Variants in DPYD observed in about 807,000 individuals in gnomAD.
DPYD encodes the protein dihydropyrimidine dehydrogenase [NADP(+)].
DPYD carries 109 observed loss-of-function variants against 116.2 expected under a neutral mutation model. The observed-to-expected ratio is 0.94, with a 90% CI of 0.80 to 1.10. The LOEUF (loss-of-function observed/expected upper bound fraction) is 1.10. Among genes scored for constraint, DPYD ranks in the 50% least tolerant of loss-of-function variants. The pLI, the probability that DPYD is intolerant of heterozygous loss-of-function variation, is 0.00. For synonymous variants in DPYD, 440 were observed against 432.0 expected, an observed-to-expected ratio of 1.02 and a Z score of -0.23; for missense variants, 1,302 against 1,254.5, an observed-to-expected ratio of 1.04 and a Z score of -0.57.
At chr1:97,692,375 C>T (rs1571199788) in intron 6 of DPYD, among the ~76,000 whole-genome samples, 1 of 124,474 alleles carries the variant, frequency 8.0e-6, no homozygotes, top group African/African-American at 2.9e-5. Flanking sequence ...TCCAAAAGTT[C>T]AGTCATTAAA....
intron 18 of DPYD, among the ~76,000 whole-genome samples, chr1:97,291,444 C>T (rs1372383525): frequency 1.3e-5 from 2 of 151,568 alleles, no homozygotes; most frequent in Non-Finnish European, 3.0e-5. Flanking sequence ...ACCCAAATGT[C>T]CAACAATGAT....
At chr1:97,810,619 C>T (rs1052126194) in intron 3 of DPYD, among the ~76,000 whole-genome samples, 3 of 152,076 alleles carry the variant, frequency 2.0e-5, no homozygotes, top group Non-Finnish European at 4.4e-5. Flanking sequence ...CTGCACATTA[C>T]TTGAGCTCTA....
chr1:97,505,390 G>A (rs1647244551), intron 13 of DPYD, among the ~76,000 whole-genome samples: 1 of 151,602 alleles, frequency 6.6e-6, no homozygotes, highest in African/African-American at 2.4e-5. Flanking sequence ...TCATGACCGT[G>A]ACTATCCGTG....
intron 3 of DPYD, among the ~76,000 whole-genome samples, chr1:97,790,637 G>A (rs1667272909): frequency 6.6e-6 from 1 of 152,058 alleles, no homozygotes; most frequent in Non-Finnish European, 1.5e-5. Context: ...AAACAGTGTG[G>A]TTATTTTCTG....
At chr1:97,586,465 CATATAT>C (rs57301424) in intron 10 of DPYD, among the ~76,000 whole-genome samples, 1,914 of 33,960 alleles carry the variant, frequency 0.056, 67 homozygotes, top group Non-Finnish European at 0.068. Context: ...TACATACATA[CATATAT>C]ATATATATAT....
chr1:97,213,821 C>T (rs1660199020), intron 19 of DPYD, among the ~76,000 whole-genome samples: 2 of 152,216 alleles, frequency 1.3e-5, no homozygotes, highest in Admixed American at 6.5e-5. Flanking sequence ...CACTTGACTA[C>T]GTGGGTGATT....
intron 18 of DPYD, among the ~76,000 whole-genome samples, chr1:97,263,049 T>C (rs1374569020): frequency 6.6e-6 from 1 of 152,072 alleles, no homozygotes; most frequent in Non-Finnish European, 1.5e-5. Context: ...AGCTTGATCT[T>C]GATTGCCAAA....
At position 97,529,208 on chromosome 1, in the gene DPYD, C is replaced by T. The variant is rs1649372909; in HGVS notation, c.1525-13267G>A. 3.3e-5 allele frequency among the ~76,000 whole-genome samples: 5 copies of T among 152,152 alleles called. No homozygotes were observed. The South Asian group carries it at 1.0e-3, about 32-fold the overall frequency. On this transcript the variant is annotated intron_variant, in intron 12 of 22. Transcript: ENST00000370192. ...TAGTATCACCAATGAGCCAAGTGAA[C>T]TTGTAAAATATGCTTCCTAAACCCC...
At chr1:97,268,632 T>C (rs1401297462) in intron 18 of DPYD, among the ~76,000 whole-genome samples, 1 of 152,104 alleles carries the variant, frequency 6.6e-6, no homozygotes, top group Admixed American at 6.6e-5. Context: ...CTAGGATTGC[T>C]TGAGCCACTG....
Position 97,535,701 on chromosome 1 carries a change from G to A in DPYD, c.1524+13859C>T, listed in dbSNP as rs549623525. ...TAAAAGGCATTAAAATTACTTATTAGTCATGGTATTTTCTTTCTCTATCAC... is the reference window on the plus strand; with the variant it reads ...TAAAAGGCATTAAAATTACTTATTAATCATGGTATTTTCTTTCTCTATCAC... On this transcript the variant is annotated intron_variant, in intron 12 of 22. Transcript: ENST00000370192. 3.3e-5 allele frequency among the ~76,000 whole-genome samples: 5 copies of A among 152,204 alleles called. No homozygotes were observed. The East Asian group carries it at 5.8e-4, about 18-fold the overall frequency.
chr1:97,186,692 T>C (rs970046366), intron 20 of DPYD, among the ~76,000 whole-genome samples: 9 of 151,860 alleles, frequency 5.9e-5, no homozygotes, highest in African/African-American at 2.2e-4. Flanking sequence ...CTACTAAAAA[T>C]ACAAAAATTA....
At chr1:97,686,952 A>T (rs1222570163) in intron 7 of DPYD, among the ~76,000 whole-genome samples, 1 of 152,052 alleles carries the variant, frequency 6.6e-6, no homozygotes, top group Non-Finnish European at 1.5e-5. Context: ...CAAATTTACA[A>T]GAAAAAAACC....
intron 14 of DPYD, among the ~76,000 whole-genome samples, chr1:97,423,001 T>C (rs1453950201): frequency 6.6e-6 from 1 of 151,976 alleles, no homozygotes; most frequent in African/African-American, 2.4e-5. Flanking sequence ...GTAAGGGGAA[T>C]ATCATACATC....
chr1:97,483,882 TGTGAAAAA>T (rs1422572943), intron 13 of DPYD, among the ~76,000 whole-genome samples: 3 of 52,392 alleles, frequency 5.7e-5, no homozygotes, highest in Non-Finnish European at 1.5e-4. Flanking sequence ...CTAACAGAAC[TGTGAAAAA>T]AAAAAAATTA....
chr1:97,486,892 T>C (rs1294992554), intron 13 of DPYD, among the ~76,000 whole-genome samples: 2 of 151,834 alleles, frequency 1.3e-5, no homozygotes, highest in Non-Finnish European at 2.9e-5. Context: ...TCAACTTGTT[T>C]ATTTTTCAAA....
At chr1:97,615,539 C>T (rs1417301466) in intron 8 of DPYD, among the ~76,000 whole-genome samples, 1 of 152,132 alleles carries the variant, frequency 6.6e-6, no homozygotes, top group African/African-American at 2.4e-5. Flanking sequence ...CTACAATCAC[C>T]AAATCCTATT....
At chr1:97,344,861 G>A (rs1669765364) in intron 16 of DPYD, among the ~76,000 whole-genome samples, 1 of 151,838 alleles carries the variant, frequency 6.6e-6, no homozygotes, top group East Asian at 1.9e-4. Flanking sequence ...TGGCCTGCTG[G>A]GACTAAAAGT....
At chr1:97,484,938 C>G (rs1678535392) in intron 13 of DPYD, among the ~76,000 whole-genome samples, 1 of 152,168 alleles carries the variant, frequency 6.6e-6, no homozygotes, top group Non-Finnish European at 1.5e-5. Context: ...ATTGTGGTCT[C>G]TGTCTTTATG....
intron 1 of DPYD, among the ~76,000 whole-genome samples, chr1:97,898,461 T>C (rs1289865392): frequency 6.6e-6 from 1 of 151,952 alleles, no homozygotes; most frequent in Non-Finnish European, 1.5e-5. Context: ...CTCAAGAGGA[T>C]AAACTAGAAA....
Sources: allele counts gnomAD v4.1 joint callset (sites outside exome capture counted in the v4.1 genomes callset), GRCh38; gene constraint gnomAD v4.1.1; transcripts MANE v1.5; gene names NCBI Gene and HGNC (gene_info 2026-07-23, HGNC 2026-07-21).